The following KCND2 variants were observed in gnomAD, a reference collection of about 807,000 sequenced individuals.
The protein encoded by KCND2 is A-type voltage-gated potassium channel KCND2.
Under a neutral mutation model 54.4 loss-of-function variants are expected in KCND2, and 16 were observed. That is an observed-to-expected ratio of 0.29 (90% CI 0.20 to 0.45). The LOEUF is 0.45. KCND2 is among the 20% of genes least tolerant of loss of function. KCND2 has a pLI of 1.00. For missense variants in KCND2, 486 were observed against 824.2 expected, an observed-to-expected ratio of 0.59 and a Z score of 5.02; for synonymous variants, 317 against 310.7, an observed-to-expected ratio of 1.02 and a Z score of -0.21.
At chr7:120,378,744 G>T (rs1800871240) in intron 1 of KCND2, among the ~76,000 whole-genome samples, 1 of 151,844 alleles carries the variant, frequency 6.6e-6, no homozygotes, top group African/African-American at 2.4e-5. Flanking sequence ...ATTCAAAAAT[G>T]CCAACATCTC....
chr7:120,632,595 C>T (rs762862121), intron 1 of KCND2, among the ~76,000 whole-genome samples: 3 of 152,172 alleles, frequency 2.0e-5, no homozygotes, highest in Non-Finnish European at 2.9e-5. Context: ...AAATCTCCTA[C>T]ACCATGTCTG....
intron 1 of KCND2, among the ~76,000 whole-genome samples, chr7:120,664,787 C>T (rs980576882): frequency 2.6e-5 from 4 of 152,032 alleles, no homozygotes; most frequent in South Asian, 4.1e-4. Flanking sequence ...TTGGCTGTCA[C>T]ATTAGTGATT....
chr7:120,502,640 G>C (rs1403017401), intron 1 of KCND2, among the ~76,000 whole-genome samples: 1 of 151,938 alleles, frequency 6.6e-6, no homozygotes, highest in African/African-American at 2.4e-5. Flanking sequence ...TTCTTTTCTT[G>C]AACAAAACTA....
intron 1 of KCND2, among the ~76,000 whole-genome samples, chr7:120,295,324 C>T (rs1287057419): frequency 6.7e-6 from 1 of 149,026 alleles, no homozygotes; most frequent in East Asian, 2.0e-4. Flanking sequence ...TATTTTCTGC[C>T]CTGAAAAAAT....
chr7:120,727,329 ATTTGG>A (rs1792746087), intron 1 of KCND2, among the ~76,000 whole-genome samples: 1 of 152,218 alleles, frequency 6.6e-6, no homozygotes, highest in South Asian at 2.1e-4. Flanking sequence ...TGTCAATAAC[ATTTGG>A]TTTACAATGA....
rs536739176 is a variant in KCND2, at chr7:120,588,599, C to T, written c.1116-144304C>T. Among the ~76,000 whole-genome samples, 8 of 152,122 alleles carry T rather than the reference C, an allele frequency of 5.3e-5. No individual in the cohort carries two copies. The East Asian group carries it at 5.8e-4, about 11-fold the overall frequency. The stretch of plus-strand genomic sequence containing the variant: ...GCTGTTTACTGGGGAGGATGAAACT[C>T]GATTCTGTTTCACAGCTGCATTTAC... On this transcript the variant is annotated intron_variant, in intron 1 of 5. Transcript: ENST00000331113.
chr7:120,499,830 G>GT (rs1405529047), intron 1 of KCND2, among the ~76,000 whole-genome samples: 1 of 151,838 alleles, frequency 6.6e-6, no homozygotes, highest in East Asian at 1.9e-4. Flanking sequence ...GCACAAAAAT[G>GT]TTTTTTTGTT....
intron 1 of KCND2, among the ~76,000 whole-genome samples, chr7:120,608,601 C>T (rs1217680510): frequency 6.6e-6 from 1 of 152,100 alleles, no homozygotes; most frequent in Non-Finnish European, 1.5e-5. Flanking sequence ...GTACATTTGT[C>T]TTGTTTTCCT....
intron 1 of KCND2, among the ~76,000 whole-genome samples, chr7:120,619,223 A>C (rs1464282506): frequency 6.6e-6 from 1 of 152,170 alleles, no homozygotes; most frequent in East Asian, 1.9e-4. Flanking sequence ...CTTGTGCTTA[A>C]GTTAGATACC....
At chr7:120,286,684 G>A (rs1799350175) in intron 1 of KCND2, among the ~76,000 whole-genome samples, 1 of 151,904 alleles carries the variant, frequency 6.6e-6, no homozygotes. Flanking sequence ...GGAATTTTGA[G>A]TCACCATACA....
chr7:120,412,497 C>T (rs1801465879), intron 1 of KCND2, among the ~76,000 whole-genome samples: 1 of 146,746 alleles, frequency 6.8e-6, no homozygotes. Context: ...TTCCACCTTT[C>T]TTACTCCTTT....
At chr7:120,290,514 A>G in intron 1 of KCND2, among the ~76,000 whole-genome samples, 1 of 151,974 alleles carries the variant, frequency 6.6e-6, no homozygotes, top group Non-Finnish European at 1.5e-5. Context: ...AGTTATACAT[A>G]TCTGTCCCAG....
At chr7:120,711,429 A>G (rs772987492) in intron 1 of KCND2, among the ~76,000 whole-genome samples, 32 of 152,214 alleles carry the variant, frequency 2.1e-4, no homozygotes, top group Non-Finnish European at 3.4e-4. Flanking sequence ...TGCTTAAAGC[A>G]GTTTAACATC....
chr7:120,297,611 G>T (rs1799530366), intron 1 of KCND2, among the ~76,000 whole-genome samples: 1 of 151,966 alleles, frequency 6.6e-6, no homozygotes, highest in Admixed American at 6.6e-5. Context: ...TTTATTTTTA[G>T]ATTATTTAAA....
At chr7:120,488,604 C>G (rs537213644) in intron 1 of KCND2, among the ~76,000 whole-genome samples, 2 of 152,064 alleles carry the variant, frequency 1.3e-5, no homozygotes, top group Non-Finnish European at 2.9e-5. Context: ...GTAACCAAAA[C>G]ATTAACACTA....
At chr7:120,390,483 A>G (rs1372181530) in intron 1 of KCND2, among the ~76,000 whole-genome samples, 1 of 151,948 alleles carries the variant, frequency 6.6e-6, no homozygotes, top group African/African-American at 2.4e-5. Flanking sequence ...TCCCTATATT[A>G]CAGATAAGTA....
chr7:120,572,249 C>CA (rs1372300150), intron 1 of KCND2, among the ~76,000 whole-genome samples: 1 of 150,734 alleles, frequency 6.6e-6, no homozygotes, highest in African/African-American at 2.4e-5. Context: ...GCCATCTGTT[C>CA]AAAAAATATT....
At chr7:120,526,631 T>C (rs970098965) in intron 1 of KCND2, among the ~76,000 whole-genome samples, 3 of 152,096 alleles carry the variant, frequency 2.0e-5, no homozygotes, top group Admixed American at 6.6e-5. Flanking sequence ...CAATAAACAA[T>C]AAAAACAACT....
chr7:120,675,501 G>T (rs997045421), intron 1 of KCND2, among the ~76,000 whole-genome samples: 6 of 151,968 alleles, frequency 3.9e-5, no homozygotes, highest in Non-Finnish European at 8.8e-5. Context: ...CTCCCGAAGT[G>T]CTGGGATTAC....
Sources: allele counts gnomAD v4.1 joint callset (sites outside exome capture counted in the v4.1 genomes callset), GRCh38; gene constraint gnomAD v4.1.1; transcripts MANE v1.5; gene names NCBI Gene and HGNC (gene_info 2026-07-23, HGNC 2026-07-21).